Variants in CCBE1 observed in about 807,000 individuals in gnomAD.
CCBE1 encodes collagen and calcium binding EGF domains 1, also known as collagen and calcium-binding EGF domain-containing protein 1.
In CCBE1, 37 loss-of-function variants were observed where a neutral mutation model predicts 50.0. The ratio of observed to expected loss-of-function variants is 0.74; its 90% confidence interval spans 0.57 to 0.97. CCBE1 has a LOEUF of 0.97. CCBE1 is among the 50% of genes least tolerant of loss of function. CCBE1 has a pLI of 0.00. For synonymous variants in CCBE1, 234 were observed against 203.7 expected, an observed-to-expected ratio of 1.15 and a Z score of -1.27; for missense variants, 538 against 523.8, an observed-to-expected ratio of 1.03 and a Z score of -0.26.
chr18:59,589,246 A>G (rs1169054927), intron 2 of CCBE1, among the ~76,000 whole-genome samples: 1 of 152,182 alleles, frequency 6.6e-6, no homozygotes, highest in East Asian at 1.9e-4. Context: ...AGGAGAGGAT[A>G]GTTCATCAAT....
intron 2 of CCBE1, among the ~76,000 whole-genome samples, chr18:59,545,533 T>C (rs944318899): frequency 6.6e-6 from 1 of 152,250 alleles, no homozygotes; most frequent in African/African-American, 2.4e-5. Flanking sequence ...TTTACTAGTA[T>C]AGATTTATCA....
chr18:59,568,219 G>A (rs2052858825), intron 2 of CCBE1: 1 of 150,092 alleles, frequency 6.7e-6, no homozygotes, highest in Admixed American at 6.6e-5. Flanking sequence ...TTGTAACAAT[G>A]CTGTCTTCTC....
At chr18:59,630,315 T>C (rs2144624611) in intron 2 of CCBE1, among the ~76,000 whole-genome samples, 1 of 152,356 alleles carries the variant, frequency 6.6e-6, no homozygotes, top group East Asian at 1.9e-4. Context: ...TAAACAGCTC[T>C]TTTTATAACA....
intron 3 of CCBE1, among the ~76,000 whole-genome samples, chr18:59,473,508 CCTCT>C (rs888229539): frequency 1.3e-5 from 2 of 152,080 alleles, no homozygotes; most frequent in Admixed American, 6.5e-5. Flanking sequence ...GAACTTACTC[CCTCT>C]GTGTGGAATT....
At chr18:59,540,359 G>A (rs530020640) in intron 2 of CCBE1, among the ~76,000 whole-genome samples, 1 of 152,252 alleles carries the variant, frequency 6.6e-6, no homozygotes, top group African/African-American at 2.4e-5. Context: ...CAGAAAGACA[G>A]TACAATTTAC....
At chr18:59,527,014 T>A (rs1269502575) in intron 2 of CCBE1, among the ~76,000 whole-genome samples, 2 of 152,222 alleles carry the variant, frequency 1.3e-5, no homozygotes, top group African/African-American at 4.8e-5. Flanking sequence ...TCTGTAGCTA[T>A]CTAATAGGCT....
chr18:59,656,073 A>G (rs1027008092), intron 2 of CCBE1, among the ~76,000 whole-genome samples: 16 of 152,232 alleles, frequency 1.1e-4, no homozygotes, highest in African/African-American at 3.6e-4. Flanking sequence ...GGCAAGGAGG[A>G]GGAGGTTATC....
intron 2 of CCBE1, among the ~76,000 whole-genome samples, chr18:59,677,342 A>G (rs1039264099): frequency 6.6e-6 from 1 of 152,204 alleles, no homozygotes; most frequent in South Asian, 2.1e-4. Flanking sequence ...CATTCAGACC[A>G]CAAGCTAGAG....
Position 59,434,740 on chromosome 18 carries a change from A to G in CCBE1, c.*1168T>C, listed in dbSNP as rs1910077262. 6.6e-6 allele frequency: 1 copy of G among 152,176 alleles called. No homozygotes were observed. Among genetic ancestry groups the G allele is most frequent in the Non-Finnish European group, 1.5e-5 (1 of 68,040 alleles). The allele number at this position is 152,176 out of a possible 1,614,324, so 9.4% of individuals were successfully genotyped here. ...AAGGAAGTTTTTGCAAACAAGGAAA[A>G]CCACTATTTTTTTTTCTCCCCATCC... On this transcript the variant is annotated 3_prime_UTR_variant, in exon 11 of 11. Transcript: ENST00000439986.
intron 2 of CCBE1, among the ~76,000 whole-genome samples, chr18:59,578,919 G>C (rs901217985): frequency 2.0e-5 from 3 of 152,108 alleles, no homozygotes; most frequent in Non-Finnish European, 4.4e-5. Context: ...TGCACATTCT[G>C]CACATGTATC....
intron 2 of CCBE1, among the ~76,000 whole-genome samples, chr18:59,691,667 G>C (rs986693411): frequency 6.6e-6 from 1 of 152,180 alleles, no homozygotes; most frequent in Admixed American, 6.5e-5. Flanking sequence ...GCCTCCCAAA[G>C]TGCTGGGATT....
intron 2 of CCBE1, among the ~76,000 whole-genome samples, chr18:59,516,312 G>A (rs1540061): frequency 0.27 from 40,444 of 151,918 alleles, 7,451 homozygotes; most frequent in African/African-American, 0.52. Context: ...CCAAGGAAAG[G>A]GGACAAGGAC....
At chr18:59,467,023 G>A in intron 4 of CCBE1, 132 bp from the exon 5 acceptor site, 1 of 773,530 alleles carries the variant, frequency 1.3e-6, no homozygotes, top group South Asian at 1.5e-5. Flanking sequence ...AGAGCAGCCT[G>A]GAATAAAGTA....
chr18:59,626,942 C>T (rs1279119006), intron 2 of CCBE1, among the ~76,000 whole-genome samples: 1 of 152,224 alleles, frequency 6.6e-6, no homozygotes, highest in Non-Finnish European at 1.5e-5. Context: ...TCAGCCTCTC[C>T]ACAAGCTTCC....
intron 2 of CCBE1, among the ~76,000 whole-genome samples, chr18:59,677,862 G>C (rs975299250): frequency 1.3e-5 from 2 of 152,128 alleles, no homozygotes; most frequent in African/African-American, 4.8e-5. Context: ...AGTGGGGATG[G>C]CTTTTGATTA....
intron 2 of CCBE1, among the ~76,000 whole-genome samples, chr18:59,486,207 T>C (rs1037948319): frequency 6.6e-6 from 1 of 152,190 alleles, no homozygotes; most frequent in Non-Finnish European, 1.5e-5. Context: ...GAAAGGTGCC[T>C]AGCACAGGGC....
At chr18:59,596,319 G>A (rs1343363195) in intron 2 of CCBE1, among the ~76,000 whole-genome samples, 1 of 152,110 alleles carries the variant, frequency 6.6e-6, no homozygotes, top group Non-Finnish European at 1.5e-5. Flanking sequence ...AGCACACAAT[G>A]GCAGAAGTCT....
At chr18:59,525,104 G>A (rs1228234953) in intron 2 of CCBE1, among the ~76,000 whole-genome samples, 1 of 152,174 alleles carries the variant, frequency 6.6e-6, no homozygotes, top group African/African-American at 2.4e-5. Context: ...TAATGGGATT[G>A]CTAGGTCAAA....
At chr18:59,477,403 C>G (rs1301063449) in intron 3 of CCBE1, among the ~76,000 whole-genome samples, 1 of 152,100 alleles carries the variant, frequency 6.6e-6, no homozygotes, top group African/African-American at 2.4e-5. Context: ...TTGCTGAGGG[C>G]AAAGGGAATA....
Sources: gnomAD v4.1 joint callset for allele counts (sites outside exome capture counted in the v4.1 genomes callset) on GRCh38, gnomAD v4.1.1 for gene constraint, MANE v1.5 for transcripts, NCBI Gene and HGNC (gene_info 2026-07-23, HGNC 2026-07-21) for gene names.